Variants in ALG6 observed in about 807,000 individuals in gnomAD.
ALG6 encodes the protein ALG6 alpha-1,3-glucosyltransferase.
Under a neutral mutation model 66.6 loss-of-function variants are expected in ALG6, and 46 were observed. The observed-to-expected ratio is 0.69, with a 90% CI of 0.55 to 0.88. The LOEUF is 0.88. ALG6 is among the 40% of genes least tolerant of loss of function. The pLI is 0.00. For synonymous variants in ALG6, 185 were observed against 203.7 expected (o/e 0.91, Z 0.78); for missense variants, 505 against 586.8 (o/e 0.86, Z 1.44).
intron 4 of ALG6, among the ~76,000 whole-genome samples, chr1:63,403,293 G>A (rs556752667): frequency 2.0e-5 from 3 of 152,016 alleles, no homozygotes; most frequent in Non-Finnish European, 2.9e-5. Context: ...ACAGCTCAAA[G>A]TAAATGAAAA....
intron 3 of ALG6, among the ~76,000 whole-genome samples, chr1:63,401,634 G>T: frequency 6.6e-6 from 1 of 151,362 alleles, no homozygotes; most frequent in Non-Finnish European, 1.5e-5. Context: ...CCGAGATTGC[G>T]CCACTGCACT....
chr1:63,374,590 T>C (rs1241081176), intron 2 of ALG6, among the ~76,000 whole-genome samples: 7 of 150,978 alleles, frequency 4.6e-5, no homozygotes, highest in Admixed American at 4.0e-4. Flanking sequence ...ATCACGCCAC[T>C]GCACCCCACC....
At chr1:63,403,588 C>T (rs1451532017) in intron 4 of ALG6, among the ~76,000 whole-genome samples, 3 of 152,074 alleles carry the variant, frequency 2.0e-5, no homozygotes, top group Admixed American at 6.6e-5. Flanking sequence ...TGTCACTTCA[C>T]GATGGGGATA....
intron 2 of ALG6, among the ~76,000 whole-genome samples, chr1:63,393,872 C>G (rs1648742203): frequency 6.6e-6 from 1 of 152,170 alleles, no homozygotes; most frequent in Admixed American, 6.5e-5. Context: ...TAAGAATCTA[C>G]TAGGTGCTAT....
At position 63,400,209 on chromosome 1, in the gene ALG6, ATATATATATATACGT is replaced by A. The variant is rs1557587247; in HGVS notation, c.168-2044_168-2030del. Reference sequence around the variant, plus strand: ...AACTCTGTCTCAAAAAAAAAAAAATATATATATATATACGTATATATATATATATATATACGTATA... The same window carrying A: ...AACTCTGTCTCAAAAAAAAAAAAATAATATATATATATATATATACGTATA... On this transcript the variant is annotated intron_variant, in intron 3 of 14. Coordinates refer to ENST00000263440, the MANE Select transcript of ALG6 (RefSeq NM_013339.4). Among the ~76,000 whole-genome samples, 29 of 27,526 alleles carry A rather than the reference ATATATATATATACGT, an allele frequency of 1.1e-3. 2 individuals carry two copies. Among genetic ancestry groups the A allele is most frequent in the East Asian group, 3.9e-3 (2 of 512 alleles). 18.1% of individuals were successfully genotyped at this position (27,526 alleles called of 152,430 possible).
intron 11 of ALG6, among the ~76,000 whole-genome samples, chr1:63,417,416 G>T (rs1391107833): frequency 1.3e-5 from 2 of 152,104 alleles, no homozygotes; most frequent in African/African-American, 4.8e-5. Context: ...TGTTTTAAAA[G>T]AAGCCATTGT....
At chr1:63,395,415 G>T (rs556894809) in intron 2 of ALG6, among the ~76,000 whole-genome samples, 47 of 152,130 alleles carry the variant, frequency 3.1e-4, no homozygotes, top group Non-Finnish European at 5.7e-4. Context: ...CTTTGTAATG[G>T]CTGGGCATGG....
chr1:63,374,512 CA>C (rs1557578609), intron 2 of ALG6, among the ~76,000 whole-genome samples: 1 of 151,934 alleles, frequency 6.6e-6, no homozygotes, highest in Non-Finnish European at 1.5e-5. Flanking sequence ...CCTGTAGTCC[CA>C]GCTATTCCGG....
Position 63,411,215 on chromosome 1 carries a change from A to G in ALG6, c.564A>G (p.Leu188=), listed in dbSNP as rs755149107. 1.9e-6 allele frequency: 3 copies of G among 1,613,700 alleles called. No homozygotes were observed. Among genetic ancestry groups the G allele is most frequent in the Non-Finnish European group, 1.7e-6 (2 of 1,179,794 alleles). ...GAATATCTTGTGACTGCGACCTCCT[A>G]GGGTCACTGGCATTTTGCTTAGCTA... ...VLGISCDCDL[L]GSLAFCLAIN... The change falls in exon 8 of 15, where the codon CTA becomes CTG. Residue 188 remains leucine, a synonymous_variant. Coordinates refer to ENST00000263440, the MANE Select transcript of ALG6 (RefSeq NM_013339.4).
Position 63,411,968 on chromosome 1 carries a change from C to CT in ALG6, c.725dup (p.Val243ArgfsTer25). The CT allele has an allele frequency of 6.2e-7, 1 of 1,614,012 alleles. No homozygotes were observed. Among genetic ancestry groups the CT allele is most frequent in the Non-Finnish European group, 8.5e-7 (1 of 1,179,980 alleles). ...AGCTAGCTTGTATTGTTGTGGCTTCCTTCGTTCTCTGCTGGCTGCCATTCT... is the reference window on the plus strand; with the variant it reads ...AGCTAGCTTGTATTGTTGTGGCTTCCTTTCGTTCTCTGCTGGCTGCCATTCT... On this transcript the variant is annotated frameshift_variant, in exon 9 of 15. Coordinates refer to ENST00000263440, the MANE Select transcript of ALG6 (RefSeq NM_013339.4). LOFTEE classifies it high-confidence loss of function.
chr1:63,378,824 G>T (rs1042764854), intron 2 of ALG6, among the ~76,000 whole-genome samples: 8 of 143,086 alleles, frequency 5.6e-5, no homozygotes, highest in Admixed American at 1.4e-4. Context: ...ATCAAATTTG[G>T]TTTCCTGTTC....
chr1:63,425,341 T>C (rs1337304434), intron 12 of ALG6, among the ~76,000 whole-genome samples: 6 of 152,080 alleles, frequency 3.9e-5, no homozygotes, highest in African/African-American at 1.4e-4. Context: ...AATGGAAGAA[T>C]TGGCATTGGA....
chr1:63,408,405 A>T (rs75571611), intron 7 of ALG6, among the ~76,000 whole-genome samples: 2,069 of 152,290 alleles, frequency 0.014, 36 homozygotes, highest in African/African-American at 0.047. Context: ...ATTCCATTGC[A>T]TGAATACATG....
At chr1:63,385,243 A>C (rs560435131) in intron 2 of ALG6, among the ~76,000 whole-genome samples, 10 of 122,564 alleles carry the variant, frequency 8.2e-5, no homozygotes. Context: ...TCTGTCACCC[A>C]GGCTGGAGTG....
intron 2 of ALG6, among the ~76,000 whole-genome samples, chr1:63,386,872 T>A (rs1255567373): frequency 1.3e-5 from 2 of 152,174 alleles, no homozygotes; most frequent in East Asian, 3.8e-4. Context: ...TTAAGATGTA[T>A]CATTAGGTTG....
chr1:63,385,353 C>T (rs1648470806), intron 2 of ALG6, among the ~76,000 whole-genome samples: 1 of 151,706 alleles, frequency 6.6e-6, no homozygotes, highest in Non-Finnish European at 1.5e-5. Flanking sequence ...GCGCATGCCA[C>T]CATGCCCGAC....
intron 14 of ALG6, among the ~76,000 whole-genome samples, chr1:63,431,955 TTTACTTC>T (rs2100443476): frequency 6.6e-6 from 1 of 152,286 alleles, no homozygotes; most frequent in South Asian, 2.1e-4. Flanking sequence ...AACCATGAGT[TTTACTTC>T]TTCCTTTCTA....
rs190487643 is a variant in ALG6 at position 63,434,479 on chromosome 1, G to A, written c.1327-2344G>A. Reference sequence around the variant, plus strand: ...TTTTAGATACCTATTAGATATCCAAGTAGAGATATTAAGAAGTACCTGGAT... The same window carrying A: ...TTTTAGATACCTATTAGATATCCAAATAGAGATATTAAGAAGTACCTGGAT... On this transcript the variant is annotated intron_variant, in intron 14 of 14. Coordinates refer to ENST00000263440, the MANE Select transcript of ALG6 (RefSeq NM_013339.4). 3.3e-5 allele frequency among the ~76,000 whole-genome samples: 5 copies of A among 152,342 alleles called. No homozygotes were observed. The East Asian group carries it at 7.7e-4, about 24-fold the overall frequency.
intron 12 of ALG6, among the ~76,000 whole-genome samples, chr1:63,423,461 A>G (rs1230364793): frequency 6.6e-6 from 1 of 152,230 alleles, no homozygotes; most frequent in African/African-American, 2.4e-5. Context: ...CCTCCAGAAC[A>G]TCTTCATCAC....
Sources: allele counts gnomAD v4.1 joint callset (sites outside exome capture counted in the v4.1 genomes callset), GRCh38; gene constraint gnomAD v4.1.1; transcripts MANE v1.5; gene names NCBI Gene and HGNC (gene_info 2026-07-23, HGNC 2026-07-21).